CTNND2: variants seen among roughly 807,000 people sequenced by gnomAD.
The protein encoded by CTNND2 is catenin delta-2.
A neutral mutation model predicts 144.4 loss-of-function variants in CTNND2; 22 were observed. The observed-to-expected ratio is 0.15, with a 90% CI of 0.11 to 0.22. The LOEUF (loss-of-function observed/expected upper bound fraction) is 0.22. Ranked by LOEUF, CTNND2 falls within the 10% of genes least tolerant of loss-of-function variation. The pLI is 1.00. For synonymous variants in CTNND2, 751 were observed against 695.6 expected (o/e 1.08, Z -1.25); for missense variants, 1,353 against 1,618.8 (o/e 0.84, Z 2.82).
chr5:11,147,254 A>G (rs1561382473), intron 12 of CTNND2, among the ~76,000 whole-genome samples: 1 of 152,214 alleles, frequency 6.6e-6, no homozygotes, highest in Non-Finnish European at 1.5e-5. Flanking sequence ...GTTCTGGATC[A>G]AAAGCCCAGA....
At chr5:11,286,536 C>T (rs761614149) in intron 9 of CTNND2, among the ~76,000 whole-genome samples, 5 of 152,170 alleles carry the variant, frequency 3.3e-5, no homozygotes, top group Admixed American at 6.6e-5. Context: ...CACTCTCACT[C>T]GAAGCCAACA....
At chr5:11,334,636 T>TG (rs1190780044) in intron 9 of CTNND2, among the ~76,000 whole-genome samples, 1 of 152,198 alleles carries the variant, frequency 6.6e-6, no homozygotes, top group African/African-American at 2.4e-5. Flanking sequence ...CCGAAAATGT[T>TG]GGGAACCACT....
chr5:11,157,689 T>G (rs773884475), intron 12 of CTNND2, among the ~76,000 whole-genome samples: 1 of 152,254 alleles, frequency 6.6e-6, no homozygotes, highest in Non-Finnish European at 1.5e-5. Context: ...TACACTTGCA[T>G]ACTAAAATCT....
chr5:11,269,386 G>T (rs1745772717), intron 9 of CTNND2, among the ~76,000 whole-genome samples: 1 of 152,122 alleles, frequency 6.6e-6, no homozygotes, highest in Non-Finnish European at 1.5e-5. Context: ...TATTATAATA[G>T]AAATGCTAGA....
chr5:11,532,526 C>A (rs970112630), intron 3 of CTNND2, among the ~76,000 whole-genome samples: 9 of 152,100 alleles, frequency 5.9e-5, no homozygotes, highest in African/African-American at 2.2e-4. Flanking sequence ...AACTATAAAG[C>A]AACTGTTTAT....
At chr5:11,519,598 A>G (rs2150037618) in intron 3 of CTNND2, among the ~76,000 whole-genome samples, 1 of 151,776 alleles carries the variant, frequency 6.6e-6, no homozygotes, top group Admixed American at 6.6e-5. Flanking sequence ...CTAGTTTCTC[A>G]AGCAAAACAA....
intron 16 of CTNND2, among the ~76,000 whole-genome samples, chr5:11,030,754 GTT>G (rs61312361): frequency 9.9e-6 from 1 of 100,762 alleles, no homozygotes; most frequent in Non-Finnish European, 2.0e-5. Context: ...TATGGTTTCT[GTT>G]TTTTTTTTTT....
intron 3 of CTNND2, among the ~76,000 whole-genome samples, chr5:11,476,051 T>G (rs191978862): frequency 0.017 from 2,536 of 149,666 alleles, 24 homozygotes; most frequent in Non-Finnish European, 0.023. Flanking sequence ...TTTTTTTTTT[T>G]GTAGAGATGG....
intron 11 of CTNND2, among the ~76,000 whole-genome samples, chr5:11,163,967 C>T (rs1372760409): frequency 1.3e-5 from 2 of 152,212 alleles, no homozygotes; most frequent in East Asian, 3.9e-4. Context: ...GTTTGGAGGG[C>T]TGGAGTCTGA....
At chr5:11,372,683 C>T (rs1003360709) in intron 7 of CTNND2, among the ~76,000 whole-genome samples, 4 of 152,166 alleles carry the variant, frequency 2.6e-5, no homozygotes, top group Non-Finnish European at 1.5e-5. Context: ...TTACTAGCCA[C>T]GTATTTTGGT....
intron 16 of CTNND2, among the ~76,000 whole-genome samples, chr5:11,075,137 G>T (rs901919848): frequency 6.6e-6 from 1 of 152,166 alleles, no homozygotes; most frequent in South Asian, 2.1e-4. Flanking sequence ...CACTACACAG[G>T]GGGGCGCTGT....
intron 2 of CTNND2, among the ~76,000 whole-genome samples, chr5:11,680,627 A>G (rs1345128415): frequency 6.6e-6 from 1 of 152,136 alleles, no homozygotes; most frequent in Non-Finnish European, 1.5e-5. Flanking sequence ...AAAACAACCA[A>G]AATATCGTTC....
chr5:11,565,443 T>A (rs1777007466), intron 2 of CTNND2, among the ~76,000 whole-genome samples: 1 of 152,208 alleles, frequency 6.6e-6, no homozygotes, highest in South Asian at 2.1e-4. Flanking sequence ...AGAGTTCAGT[T>A]TTTAATTATC....
intron 12 of CTNND2, among the ~76,000 whole-genome samples, chr5:11,158,140 A>C (rs540345019): frequency 6.6e-6 from 1 of 152,324 alleles, no homozygotes; most frequent in South Asian, 2.1e-4. Flanking sequence ...ACACTTCTAC[A>C]ATTGCTTCTG....
intron 1 of CTNND2, among the ~76,000 whole-genome samples, chr5:11,770,098 A>G (rs1020433866): frequency 2.0e-5 from 3 of 152,208 alleles, no homozygotes; most frequent in Non-Finnish European, 4.4e-5. Context: ...TAAGTTGTGA[A>G]GAGGAGTAGA....
chr5:11,352,542 C>G (rs2149750222), intron 8 of CTNND2, among the ~76,000 whole-genome samples: 1 of 152,208 alleles, frequency 6.6e-6, no homozygotes. Context: ...GAACATGTAT[C>G]CTGAAACTTA....
At chr5:11,620,212 A>G (rs1262635869) in intron 2 of CTNND2, among the ~76,000 whole-genome samples, 2 of 152,050 alleles carry the variant, frequency 1.3e-5, no homozygotes, top group African/African-American at 4.8e-5. Flanking sequence ...GACCTGGCTG[A>G]CCTGGAAGGG....
At chr5:11,139,432 C>T (rs955137207) in intron 12 of CTNND2, among the ~76,000 whole-genome samples, 2 of 152,232 alleles carry the variant, frequency 1.3e-5, no homozygotes, top group Non-Finnish European at 1.5e-5. Context: ...ACGGGACCAG[C>T]TGATGAATCC....
At chr5:11,694,351 C>T (rs1015336225) in intron 2 of CTNND2, among the ~76,000 whole-genome samples, 1 of 151,244 alleles carries the variant, frequency 6.6e-6, no homozygotes, top group Non-Finnish European at 1.5e-5. Context: ...AGGAGAATGG[C>T]GTGAACCCGG....
Sources: gnomAD v4.1 joint callset for allele counts (sites outside exome capture counted in the v4.1 genomes callset) on GRCh38, gnomAD v4.1.1 for gene constraint, MANE v1.5 for transcripts, NCBI Gene and HGNC (gene_info 2026-07-23, HGNC 2026-07-21) for gene names.